Variants in SRCIN1 observed in about 807,000 individuals in gnomAD.
The protein encoded by SRCIN1 is SRC kinase signaling inhibitor 1, also known as P130Cas-associated protein.
In SRCIN1, 50 loss-of-function variants were observed where a neutral mutation model predicts 116.2. That is an observed-to-expected ratio of 0.43 (90% CI 0.34 to 0.54). The LOEUF (loss-of-function observed/expected upper bound fraction) is 0.54, where lower values mean the gene tolerates loss of function less well. Ranked by LOEUF, SRCIN1 falls within the 20% of genes least tolerant of loss-of-function variation. SRCIN1 has a pLI of 0.02. For synonymous variants in SRCIN1, 736 were observed against 750.0 expected (o/e 0.98, Z 0.30); for missense variants, 1,446 against 1,672.0 (o/e 0.86, Z 2.36).
chr17:38,534,089 C>G (rs2040966500), intron 18 of SRCIN1, among the ~76,000 whole-genome samples: 1 of 152,230 alleles, frequency 6.6e-6, no homozygotes, highest in Non-Finnish European at 1.5e-5. Context: ...CAGTTGGTAA[C>G]AGGAGGCTAC....
chr17:38,569,924 G>A (rs1205867442), intron 2 of SRCIN1, among the ~76,000 whole-genome samples: 2 of 152,110 alleles, frequency 1.3e-5, no homozygotes, highest in African/African-American at 2.4e-5. Context: ...AGAGGACACC[G>A]GAAGGTTTAT....
Position 38,558,442 on chromosome 17 carries a change from C to A in SRCIN1, c.2026-40G>T, listed in dbSNP as rs1456614488. On this transcript the variant is annotated intron_variant, in intron 10 of 18. Coordinates refer to ENST00000617146, the MANE Select transcript of SRCIN1 (RefSeq NM_025248.3). The surrounding 1 kb of genome is among the most constrained non-coding windows in gnomAD (Gnocchi z 4.6). ...GACGGATGGACCCGGGTGGGGGGAG[C>A]GGAGCCGCGAGGCAGGGGAAGGGCC... 1.3e-6 allele frequency: 2 copies of A among 1,546,880 alleles called. No individual in the cohort carries two copies. The highest frequency in any genetic ancestry group is 2.3e-5 in the South Asian group (2 of 86,226).
At chr17:38,576,156 C>T (rs1907405370) in intron 2 of SRCIN1, among the ~76,000 whole-genome samples, 1 of 152,130 alleles carries the variant, frequency 6.6e-6, no homozygotes. Flanking sequence ...GGAAGCTCCA[C>T]CCAGCTGTTT....
At position 38,568,257 on chromosome 17, in the gene SRCIN1, T is replaced by C; in HGVS notation, c.325-26A>G. 6.2e-7 allele frequency: 1 copy of C among 1,610,498 alleles called. No homozygotes were observed. Among genetic ancestry groups the C allele is most frequent in the South Asian group, 1.1e-5 (1 of 90,304 alleles). On this transcript the variant is annotated intron_variant, in intron 2 of 18. Transcript: ENST00000617146. The surrounding 1 kb of genome is among the most constrained non-coding windows in gnomAD (Gnocchi z 4.5). ...CTGCTGATGGAAATAAGAGAAGAGA[T>C]GGTTATGAGGGGGCCCAGGAGGGGA... is the stretch of plus-strand genomic sequence containing the variant.
At chr17:38,534,631 A>G (rs1414755718) in intron 18 of SRCIN1, among the ~76,000 whole-genome samples, 1 of 152,136 alleles carries the variant, frequency 6.6e-6, no homozygotes, top group Non-Finnish European at 1.5e-5. Context: ...GCTGCTACGG[A>G]GTTTTCTCAG....
At chr17:38,575,315 T>C (rs1348245542) in intron 2 of SRCIN1, among the ~76,000 whole-genome samples, 1 of 152,168 alleles carries the variant, frequency 6.6e-6, no homozygotes, top group African/African-American at 2.4e-5. Context: ...AGTGGCACGA[T>C]CATGGCTCAC....
chr17:38,568,506 G>A lies in SRCIN1; in HGVS notation c.325-275C>T, dbSNP rs977193797. 1.3e-5 allele frequency among the ~76,000 whole-genome samples: 2 copies of A among 152,220 alleles called. No homozygotes were observed. The highest frequency in any genetic ancestry group is 2.9e-5 in the Non-Finnish European group (2 of 68,044). ...AAGGCACAGAGGATGGTGATAGAGC[G>A]AACCCATGAGGCAGTCACAAGAGAG... On this transcript the variant is annotated intron_variant, in intron 2 of 18. Coordinates refer to ENST00000617146, the MANE Select transcript of SRCIN1 (RefSeq NM_025248.3). The surrounding 1 kb of genome is among the most constrained non-coding windows in gnomAD (Gnocchi z 4.5).
intron 3 of SRCIN1, among the ~76,000 whole-genome samples, chr17:38,567,734 A>G (rs983116354): frequency 3.3e-5 from 5 of 152,200 alleles, no homozygotes; most frequent in East Asian, 3.9e-4. Flanking sequence ...AGGGTGTAGG[A>G]CCATGAGTCT....
chr17:38,542,221 G>A (rs1253930531), intron 18 of SRCIN1: 1 of 153,486 alleles, frequency 6.5e-6, no homozygotes, highest in Non-Finnish European at 1.5e-5. Context: ...GGGGAGGGAG[G>A]GACTAGGGTG....
rs773982034 is a variant in SRCIN1 at position 38,563,405 on chromosome 17, T to C, written c.658A>G (p.Met220Val). The change falls in exon 5 of 19, where the codon ATG (methionine) becomes GTG (valine). Residue 220 changes from methionine (M) to valine (V), a missense_variant. By Grantham distance (21) the Met-to-Val change is conservative. This residue lies in a region of SRCIN1 where 32 missense variants were observed against 69.7 expected (regional missense o/e 0.46). Transcript: ENST00000617146. The surrounding 1 kb of genome is among the most constrained non-coding windows in gnomAD (Gnocchi z 5.8). The stretch of plus-strand genomic sequence containing the variant: ...GTATTGGGCGACTTAAGCATGCCCA[T>C]GGTGAGCTTCTGCGGGAACATGTGC... ...IAHMFPQKLT[M>V]GMLKSPNTAI... The C allele has an allele frequency of 1.3e-5, 21 of 1,576,598 alleles. No individual in the cohort carries two copies. Among genetic ancestry groups the C allele is most frequent in the Non-Finnish European group, 1.6e-5 (19 of 1,160,372 alleles).
At chr17:38,575,041 T>C in intron 2 of SRCIN1, 1 of 399,698 alleles carries the variant, frequency 2.5e-6, no homozygotes, top group East Asian at 3.6e-5. Flanking sequence ...GTACTGTGAT[T>C]GGGAGGGAAG....
chr17:38,556,856 C>T (rs536608221), intron 11 of SRCIN1, among the ~76,000 whole-genome samples: 75 of 152,274 alleles, frequency 4.9e-4, no homozygotes, highest in African/African-American at 1.6e-3. Flanking sequence ...TCTCTCCTTT[C>T]GTATCTTCTG....
Position 38,531,773 on chromosome 17 carries a change from G to C in SRCIN1, c.*1524C>G, listed in dbSNP as rs1244038945. On this transcript the variant is annotated 3_prime_UTR_variant, in exon 19 of 19. Coordinates refer to ENST00000617146, the MANE Select transcript of SRCIN1 (RefSeq NM_025248.3). ...TTCAACAGCTCCCAGCTCTCCCCAGGTGCGGACCTTCCCCAGCCAGGCCCC... is the reference window on the plus strand; with the variant it reads ...TTCAACAGCTCCCAGCTCTCCCCAGCTGCGGACCTTCCCCAGCCAGGCCCC... 1 of 152,504 alleles carries C rather than the reference G, an allele frequency of 6.6e-6. No homozygotes were observed. The highest frequency in any genetic ancestry group is 2.4e-5 in the African/African-American group (1 of 41,408). The allele number at this position is 152,504 out of a possible 1,614,324, so 9.4% of individuals were successfully genotyped here.
chr17:38,587,624 C>G (rs968020926), intron 1 of SRCIN1, among the ~76,000 whole-genome samples: 1 of 152,174 alleles, frequency 6.6e-6, no homozygotes, highest in African/African-American at 2.4e-5. Flanking sequence ...TGCCACTTCC[C>G]AGAAAGCAGC....
At position 38,572,428 on chromosome 17, in the gene SRCIN1, C is replaced by T. The variant is rs1334457956; in HGVS notation, c.325-4197G>A. Among the ~76,000 whole-genome samples the T allele has an allele frequency of 6.6e-6, 1 of 152,134 alleles. No individual in the cohort carries two copies. The highest frequency in any genetic ancestry group is 1.5e-5 in the Non-Finnish European group (1 of 68,022). ...GCACCCCGGGAAGGTCATGACTTTCCGACGCTGGGGGAGGGGGCGCCAGCC... is the reference window on the plus strand; with the variant it reads ...GCACCCCGGGAAGGTCATGACTTTCTGACGCTGGGGGAGGGGGCGCCAGCC... On this transcript the variant is annotated intron_variant, in intron 2 of 18. Transcript: ENST00000617146. This position sits in a 1 kb window ranked among gnomAD's most constrained non-coding sequence, Gnocchi z 4.3.
At chr17:38,548,197 T>TGG (rs751585519) in intron 17 of SRCIN1, among the ~76,000 whole-genome samples, 27 of 151,946 alleles carry the variant, frequency 1.8e-4, no homozygotes, top group Non-Finnish European at 3.2e-4. Flanking sequence ...TACTCAAGTA[T>TGG]GGGGGTCTCA....
Position 38,561,678 on chromosome 17 carries a change from G to A in SRCIN1, c.1485C>T (p.Tyr495=). 6.4e-7 allele frequency: 1 copy of A among 1,560,888 alleles called. No homozygotes were observed. Among genetic ancestry groups the A allele is most frequent in the Non-Finnish European group, 8.6e-7 (1 of 1,156,384 alleles). Residue 495 remains tyrosine (Y), a synonymous_variant, in exon 7 of 19, where the codon TAC becomes TAT. Transcript: ENST00000617146. ...PGGPPPPHSP[Y]SGPPSRGSPV... ...GCGAGCCGCGGCTGGGCGGCCCCGA[G>A]TAGGGGCTGTGCGGTGGCGGGGGAC... is the stretch of plus-strand genomic sequence containing the variant.
intron 18 of SRCIN1, among the ~76,000 whole-genome samples, chr17:38,537,849 C>T (rs1904487734): frequency 6.6e-6 from 1 of 151,156 alleles, no homozygotes. Context: ...CACCTGTAAT[C>T]CCAGCACTTT....
chr17:38,548,516 G>A, intron 17 of SRCIN1, 41 bp downstream of exon 17: 13 of 1,602,212 alleles, frequency 8.1e-6, no homozygotes, highest in Non-Finnish European at 1.1e-5. Context: ...AGGGAAGGGG[G>A]CCTGGCTGAG....
Sources: allele counts gnomAD v4.1 joint callset (sites outside exome capture counted in the v4.1 genomes callset), GRCh38; gene constraint gnomAD v4.1.1; regional missense constraint gnomAD v4.1.1; non-coding constraint Gnocchi (gnomAD v3.1); transcripts MANE v1.5; gene names NCBI Gene and HGNC (gene_info 2026-07-23, HGNC 2026-07-21).